Variants in CNOT2 observed in about 807,000 individuals in gnomAD.
CNOT2 encodes the protein CCR4-NOT transcription complex subunit 2.
Under a neutral mutation model 72.1 loss-of-function variants are expected in CNOT2, and 7 were observed. That is an observed-to-expected ratio of 0.10 (90% CI 0.06 to 0.18). The LOEUF (loss-of-function observed/expected upper bound fraction) is 0.18. Among genes scored for constraint, CNOT2 ranks in the 10% least tolerant of loss-of-function variants. CNOT2 has a pLI of 1.00. For missense variants in CNOT2, 345 were observed against 660.3 expected, an observed-to-expected ratio of 0.52 and a Z score of 5.23; for synonymous variants, 196 against 225.6, an observed-to-expected ratio of 0.87 and a Z score of 1.17.
intron 2 of CNOT2, among the ~76,000 whole-genome samples, chr12:70,302,211 T>C (rs1259468158): frequency 6.6e-6 from 1 of 151,454 alleles, no homozygotes; most frequent in Non-Finnish European, 1.5e-5. Context: ...GTGTCTCTAT[T>C]TCCTTCAGTT....
intron 3 of CNOT2, among the ~76,000 whole-genome samples, chr12:70,318,573 C>T (rs1474317012): frequency 6.6e-6 from 1 of 151,792 alleles, no homozygotes; most frequent in Non-Finnish European, 1.5e-5. Context: ...ATAGAGTATT[C>T]CTGATACCTT....
chr12:70,275,510 G>T (rs940113271), intron 1 of CNOT2, among the ~76,000 whole-genome samples: 1 of 152,000 alleles, frequency 6.6e-6, no homozygotes, highest in Non-Finnish European at 1.5e-5. Context: ...GACGATCTCT[G>T]TCCTGAGAAG....
chr12:70,290,379 G>A (rs1168440545), intron 2 of CNOT2, among the ~76,000 whole-genome samples: 1 of 152,032 alleles, frequency 6.6e-6, no homozygotes, highest in African/African-American at 2.4e-5. Context: ...TATTCTGGCT[G>A]CCTTTAATTG....
At chr12:70,283,644 G>GT (rs1319777552) in intron 2 of CNOT2, among the ~76,000 whole-genome samples, 4 of 102,168 alleles carry the variant, frequency 3.9e-5, no homozygotes, top group African/African-American at 7.7e-5. Flanking sequence ...GAAAGAATGA[G>GT]TTTAAAAAAA....
intron 3 of CNOT2, among the ~76,000 whole-genome samples, chr12:70,313,172 A>C (rs1876760369): frequency 6.6e-6 from 1 of 151,970 alleles, no homozygotes; most frequent in Admixed American, 6.6e-5. Flanking sequence ...GGTCTTTTCC[A>C]TATAGTTATT....
At chr12:70,294,002 G>A (rs1333770198) in intron 2 of CNOT2, 2 of 624,678 alleles carry the variant, frequency 3.2e-6, no homozygotes, top group Non-Finnish European at 5.2e-6. Flanking sequence ...ATGAAGAGGT[G>A]AACAGGGAGT....
At chr12:70,347,576 T>C (rs1279302827) in intron 15 of CNOT2, 1 of 150,714 alleles carries the variant, frequency 6.6e-6, no homozygotes, top group Admixed American at 6.7e-5. Flanking sequence ...GAGCTTGCAG[T>C]GAGCCGAGAT....
At chr12:70,260,539 T>C (rs1284988629) in intron 1 of CNOT2, among the ~76,000 whole-genome samples, 8 of 152,134 alleles carry the variant, frequency 5.3e-5, no homozygotes, top group Admixed American at 5.2e-4. Context: ...TTACTATTAA[T>C]AAAATCTTAA....
At chr12:70,337,274 G>A in intron 8 of CNOT2, 115 bp from the exon 9 acceptor site, 3 of 756,952 alleles carry the variant, frequency 4.0e-6, no homozygotes, top group Non-Finnish European at 6.3e-6. Flanking sequence ...CGCTTTCATA[G>A]CATTAAAAAA....
chr12:70,327,889 G>A (rs1879335322), intron 4 of CNOT2, among the ~76,000 whole-genome samples: 2 of 151,670 alleles, frequency 1.3e-5, no homozygotes, highest in Non-Finnish European at 2.9e-5. Context: ...CTTTAGGGAG[G>A]GAAAAGACAG....
chr12:70,322,371 G>T (rs1452983441), intron 4 of CNOT2: 1 of 151,716 alleles, frequency 6.6e-6, no homozygotes, highest in African/African-American at 2.4e-5. Context: ...AATCAACAGG[G>T]AACCAGGAAT....
intron 13 of CNOT2, among the ~76,000 whole-genome samples, chr12:70,342,980 T>TA (rs1881703397): frequency 6.6e-6 from 1 of 152,172 alleles, no homozygotes; most frequent in Non-Finnish European, 1.5e-5. Flanking sequence ...GAGTGTGCCT[T>TA]ACAGTTCTGT....
intron 14 of CNOT2, 85 bp from the exon 15 acceptor site, chr12:70,346,095 C>A: frequency 2.5e-6 from 2 of 800,092 alleles, no homozygotes; most frequent in African/African-American, 1.8e-5. Flanking sequence ...TTTTTTTTTT[C>A]CGGAGGAAAG....
rs570905172 is a variant in CNOT2 at position 70,338,851 on chromosome 12, T to C, written c.1178+29T>C. On this transcript the variant is annotated intron_variant, in intron 11 of 15. Transcript: ENST00000229195. ...AGTTTTTTCTGTTTTTCCATGTCTG[T>C]ATATAATACCTCTTCAGACTTCCAG... 1.4e-5 allele frequency: 22 copies of C among 1,582,660 alleles called. No homozygotes were observed. In the South Asian group the frequency reaches 2.2e-4, roughly 16 times the overall value.
intron 2 of CNOT2, among the ~76,000 whole-genome samples, chr12:70,301,174 A>G (rs902454699): frequency 1.3e-5 from 2 of 152,182 alleles, no homozygotes; most frequent in Non-Finnish European, 2.9e-5. Context: ...AAACAGGGTC[A>G]ATTTGACTTC....
At chr12:70,268,887 G>C (rs1318585160) in intron 1 of CNOT2, among the ~76,000 whole-genome samples, 1 of 152,076 alleles carries the variant, frequency 6.6e-6, no homozygotes, top group Non-Finnish European at 1.5e-5. Flanking sequence ...TACATGTCCG[G>C]TATGCAAAAA....
intron 1 of CNOT2, among the ~76,000 whole-genome samples, chr12:70,259,242 T>C (rs1958617635): frequency 6.6e-6 from 1 of 152,182 alleles, no homozygotes; most frequent in Admixed American, 6.5e-5. Context: ...ACAGAGCCTT[T>C]CACTTTTACA....
At chr12:70,245,679 C>T (rs763247526) in intron 1 of CNOT2, among the ~76,000 whole-genome samples, 17 of 152,062 alleles carry the variant, frequency 1.1e-4, no homozygotes, top group Non-Finnish European at 1.2e-4. Context: ...TCCCCAAGTA[C>T]CTGCTCTTGA....
intron 2 of CNOT2, among the ~76,000 whole-genome samples, chr12:70,284,126 G>A (rs988243385): frequency 6.6e-6 from 1 of 151,294 alleles, no homozygotes; most frequent in Non-Finnish European, 1.5e-5. Flanking sequence ...TTTGTTTTTT[G>A]GTAGAGACAG....
Sources: gnomAD v4.1 joint callset for allele counts (sites outside exome capture counted in the v4.1 genomes callset) on GRCh38, gnomAD v4.1.1 for gene constraint, MANE v1.5 for transcripts, NCBI Gene and HGNC (gene_info 2026-07-23, HGNC 2026-07-21) for gene names.